Variants in PLXDC2 observed in about 807,000 individuals in gnomAD.
PLXDC2 encodes plexin domain-containing protein 2.
In PLXDC2, 40 loss-of-function variants were observed where a neutral mutation model predicts 68.9. That is an observed-to-expected ratio of 0.58 (90% CI 0.45 to 0.76). The LOEUF (loss-of-function observed/expected upper bound fraction) is 0.76. Ranked by LOEUF, PLXDC2 falls within the 30% of genes least tolerant of loss-of-function variation. The probability of loss-of-function intolerance (pLI) is 0.00; values close to 1 mark genes in which losing one functional copy is unlikely to be tolerated. For synonymous variants in PLXDC2, 243 were observed against 234.2 expected, an observed-to-expected ratio of 1.04 and a Z score of -0.34; for missense variants, 644 against 661.9, an observed-to-expected ratio of 0.97 and a Z score of 0.30.
intron 1 of PLXDC2, among the ~76,000 whole-genome samples, chr10:19,941,246 T>C (rs1326432275): frequency 2.0e-5 from 3 of 152,198 alleles, no homozygotes; most frequent in African/African-American, 7.2e-5. Context: ...ATTTTCACTT[T>C]GTAGAGATAA....
intron 1 of PLXDC2, among the ~76,000 whole-genome samples, chr10:19,871,069 A>G (rs987973446): frequency 2.0e-5 from 3 of 152,234 alleles, no homozygotes; most frequent in Admixed American, 2.0e-4. Flanking sequence ...CTTTCTCATC[A>G]CAAGGGATTG....
In PLXDC2 at chr10:20,243,665, AAAAG is replaced by A. The variant is rs541699451; in HGVS notation, c.1313-1672_1313-1669del. ...GTTTTTCTTTAAAAAAAGGTAAAAT[AAAAG>A]AAAGAAATCAGTGCTTATTAAATGA... On this transcript the variant is annotated intron_variant, in intron 12 of 13. Coordinates refer to ENST00000377252, the MANE Select transcript of PLXDC2 (RefSeq NM_032812.9). 1.8e-3 allele frequency among the ~76,000 whole-genome samples: 276 copies of A among 152,136 alleles called. 1 individual carries two copies. Among genetic ancestry groups the A allele is most frequent in the African/African-American group, 6.2e-3 (259 of 41,546 alleles).
intron 1 of PLXDC2, among the ~76,000 whole-genome samples, chr10:19,838,487 G>A (rs769048155): frequency 6.6e-6 from 1 of 152,150 alleles, no homozygotes; most frequent in Non-Finnish European, 1.5e-5. Context: ...AAGTAAAACA[G>A]ACAAGTCACT....
At chr10:19,855,937 T>C (rs1423165110) in intron 1 of PLXDC2, among the ~76,000 whole-genome samples, 1 of 151,926 alleles carries the variant, frequency 6.6e-6, no homozygotes, top group Non-Finnish European at 1.5e-5. Flanking sequence ...AATATACATA[T>C]ATAAAAAATT....
chr10:19,842,149 A>C (rs1166269056), intron 1 of PLXDC2, among the ~76,000 whole-genome samples: 1 of 152,112 alleles, frequency 6.6e-6, no homozygotes, highest in African/African-American at 2.4e-5. Flanking sequence ...ATGGTGGTGC[A>C]TGCCTGTGAT....
chr10:20,199,659 T>A (rs1589677284), intron 9 of PLXDC2, among the ~76,000 whole-genome samples: 1 of 152,090 alleles, frequency 6.6e-6, no homozygotes, highest in East Asian at 1.9e-4. Flanking sequence ...TGAATAAACA[T>A]TTAATGGATG....
At chr10:20,110,539 C>A (rs1833545955) in intron 4 of PLXDC2, among the ~76,000 whole-genome samples, 1 of 152,182 alleles carries the variant, frequency 6.6e-6, no homozygotes, top group Admixed American at 6.5e-5. Context: ...GTAATGCCAT[C>A]TTTCCTGGCA....
At position 20,009,535 on chromosome 10, in the gene PLXDC2, A is replaced by C. The variant is rs139348117; in HGVS notation, c.324+7549A>C. ...GTATTGAAATCTTCCAAATGCTTGT[A>C]GGTGTCAGGTTGGCTTCCACAGAAG... On this transcript the variant is annotated intron_variant, in intron 2 of 13. Coordinates refer to ENST00000377252, the MANE Select transcript of PLXDC2 (RefSeq NM_032812.9). 3.2e-3 allele frequency among the ~76,000 whole-genome samples: 482 copies of C among 152,032 alleles called. 4 individuals are homozygous for C. The highest frequency in any genetic ancestry group is 0.011 in the African/African-American group (447 of 41,412).
intron 1 of PLXDC2, among the ~76,000 whole-genome samples, chr10:19,972,763 A>T (rs557687792): frequency 2.1e-4 from 32 of 152,316 alleles, no homozygotes; most frequent in Non-Finnish European, 3.7e-4. Flanking sequence ...TAAAAAGCCT[A>T]AACTTTTATG....
At chr10:20,110,923 A>G (rs1254183709) in intron 4 of PLXDC2, among the ~76,000 whole-genome samples, 6 of 151,852 alleles carry the variant, frequency 4.0e-5, no homozygotes, top group African/African-American at 1.5e-4. Flanking sequence ...GTTCCATGTC[A>G]CCTCACACTT....
intron 9 of PLXDC2, among the ~76,000 whole-genome samples, chr10:20,208,585 C>T (rs966337891): frequency 2.0e-5 from 3 of 152,046 alleles, no homozygotes; most frequent in African/African-American, 4.8e-5. Context: ...TTTCAATGGA[C>T]TGGCAAAAGT....
chr10:20,074,698 A>G (rs966647685), intron 4 of PLXDC2, among the ~76,000 whole-genome samples: 2 of 152,186 alleles, frequency 1.3e-5, no homozygotes, highest in Non-Finnish European at 1.5e-5. Flanking sequence ...GACTTGATTA[A>G]TAACAGGAAT....
intron 4 of PLXDC2, among the ~76,000 whole-genome samples, chr10:20,087,457 A>T (rs1564310784): frequency 6.6e-6 from 1 of 152,214 alleles, no homozygotes; most frequent in Non-Finnish European, 1.5e-5. Context: ...TTCTTATTCC[A>T]TTTGCCTTCC....
intron 4 of PLXDC2, among the ~76,000 whole-genome samples, chr10:20,084,432 C>T (rs370803780): frequency 7.2e-5 from 11 of 152,158 alleles, no homozygotes; most frequent in Admixed American, 7.2e-4. Flanking sequence ...CACCCAGTAA[C>T]ACCTCCCTGA....
At chr10:20,243,237 A>G (rs993607031) in intron 12 of PLXDC2, among the ~76,000 whole-genome samples, 1 of 152,126 alleles carries the variant, frequency 6.6e-6, no homozygotes, top group Non-Finnish European at 1.5e-5. Flanking sequence ...ATAATTTTGC[A>G]ACCCTAGCTC....
chr10:20,276,594 A>G (rs1836009755), intron 13 of PLXDC2, among the ~76,000 whole-genome samples: 1 of 152,208 alleles, frequency 6.6e-6, no homozygotes, highest in Non-Finnish European at 1.5e-5. Context: ...GAAACTCTGT[A>G]ATGAATTAAC....
chr10:20,082,361 G>A (rs1836583384), intron 4 of PLXDC2, among the ~76,000 whole-genome samples: 1 of 151,814 alleles, frequency 6.6e-6, no homozygotes, highest in Non-Finnish European at 1.5e-5. Flanking sequence ...ATCAGGTGTG[G>A]AGTATATGGG....
chr10:19,950,244 G>T (rs1044046853), intron 1 of PLXDC2, among the ~76,000 whole-genome samples: 2 of 152,144 alleles, frequency 1.3e-5, no homozygotes, highest in African/African-American at 4.8e-5. Flanking sequence ...CTGACAATAT[G>T]ATTCTATTCC....
At chr10:19,852,728 T>TA (rs1255532574) in intron 1 of PLXDC2, among the ~76,000 whole-genome samples, 2 of 152,278 alleles carry the variant, frequency 1.3e-5, no homozygotes, top group African/African-American at 4.8e-5. Context: ...ATTTAGTTAA[T>TA]AAAAAATCTG....
Sources: allele counts gnomAD v4.1 joint callset (sites outside exome capture counted in the v4.1 genomes callset), GRCh38; gene constraint gnomAD v4.1.1; transcripts MANE v1.5; gene names NCBI Gene and HGNC (gene_info 2026-07-23, HGNC 2026-07-21).